Variants in ANKRD30BL observed in about 807,000 individuals in gnomAD.
ANKRD30BL encodes the protein putative ankyrin repeat domain-containing protein 30B-like.
In ANKRD30BL, 20 loss-of-function variants were observed where a neutral mutation model predicts 18.4. The ratio of observed to expected loss-of-function variants is 1.09; its 90% CI spans 0.77 to 1.58. ANKRD30BL has a LOEUF of 1.58. ANKRD30BL is among the 40% of genes most tolerant of loss of function. ANKRD30BL has a pLI of 0.00. For synonymous variants in ANKRD30BL, 72 were observed against 100.9 expected (o/e 0.71, Z 1.72); for missense variants, 224 against 268.6 (o/e 0.83, Z 1.16).
chr2:132,164,269 C>CTTTTT (rs796313755), upstream of ANKRD30BL, among the ~76,000 whole-genome samples: 366 of 112,062 alleles, frequency 3.3e-3, 16 homozygotes, highest in African/African-American at 0.011. Flanking sequence ...TTTTCTTTTT[C>CTTTTT]TTTTTTTTTT....
In ANKRD30BL at chr2:132,161,945, A is replaced by C. The variant is rs904370939; in HGVS notation, c.-240T>G. 170 of 505,520 alleles carry C rather than the reference A, an allele frequency of 3.4e-4. 1 individual carries two copies. The East Asian group carries it at 4.5e-3, about 13-fold the overall frequency. 31.3% of individuals were successfully genotyped at this position (505,520 alleles called of 1,614,324 possible). A position where few individuals can be genotyped will look rare whatever the true frequency, so the allele number is the denominator to read the frequency against. ...GCAGAACCTTTAGGCAGCTGAGCAG[A>C]ACCGTTAGGCAACAGCGCATGCGCA... On this transcript the variant is annotated 5_prime_UTR_variant, in exon 1 of 6. Coordinates refer to ENST00000409867, the MANE Select transcript of ANKRD30BL (RefSeq NM_001358416.1).
At chr2:132,238,322 G>T (rs1680216212) in intron 1 of ANKRD30BL, among the ~76,000 whole-genome samples, 1 of 151,696 alleles carries the variant, frequency 6.6e-6, no homozygotes. Flanking sequence ...TTGACAGAAG[G>T]ATTCTCAGAA....
chr2:132,160,858 A>T lies in ANKRD30BL; in HGVS notation c.218+630T>A, dbSNP rs111792464. On this transcript the variant is annotated intron_variant, in intron 1 of 5. Transcript: ENST00000409867. ...AGCGTGTGTAATTTTAAAAATGTTAAAACGTTGATAACTTTATTTGGTTTA... is the reference window on the plus strand; with the variant it reads ...AGCGTGTGTAATTTTAAAAATGTTATAACGTTGATAACTTTATTTGGTTTA... 1.4e-3 allele frequency among the ~76,000 whole-genome samples: 207 copies of T among 151,738 alleles called. 1 individual carries two copies. Among genetic ancestry groups the T allele is most frequent in the Non-Finnish European group, 2.5e-3 (170 of 67,996 alleles).
At chr2:132,194,075 T>TCACACA (rs950673271) in intron 1 of ANKRD30BL, among the ~76,000 whole-genome samples, 1 of 139,300 alleles carries the variant, frequency 7.2e-6, no homozygotes, top group Non-Finnish European at 1.6e-5. Flanking sequence ...ACACACACAC[T>TCACACA]CACACACACA....
intron 1 of ANKRD30BL, among the ~76,000 whole-genome samples, chr2:132,250,157 C>G (rs62164971): frequency 6.6e-6 from 1 of 151,066 alleles, no homozygotes; most frequent in South Asian, 2.1e-4. Context: ...TTATGTGAAG[C>G]TATTTCCTTT....
chr2:132,212,152 CA>C (rs897747152), intron 1 of ANKRD30BL, among the ~76,000 whole-genome samples: 8 of 149,130 alleles, frequency 5.4e-5, no homozygotes, highest in African/African-American at 2.1e-4. Context: ...CAGTGTTGAA[CA>C]TTTTTTTTTT....
At chr2:132,188,954 TAAG>T (rs1204230475) in intron 1 of ANKRD30BL, among the ~76,000 whole-genome samples, 1 of 151,972 alleles carries the variant, frequency 6.6e-6, no homozygotes, top group African/African-American at 2.4e-5. Context: ...GTTAAGGTGA[TAAG>T]AAAAAATGAA....
At chr2:132,250,429 C>T (rs1045793632) in intron 1 of ANKRD30BL, among the ~76,000 whole-genome samples, 3 of 152,136 alleles carry the variant, frequency 2.0e-5, no homozygotes, top group African/African-American at 7.2e-5. Flanking sequence ...GTTTTTAGGA[C>T]CAACATGAGC....
In ANKRD30BL at chr2:132,186,508, T is replaced by C. The variant is rs186057834; in HGVS notation, n.442-29362A>G. ...TCTGCCCATTTTGGTGAAGGAACTG[T>C]GTGTGGCACATAAGGAAAGCTTAAT... On this transcript the variant is annotated intron_variant and non_coding_transcript_variant, in intron 1 of 4. Transcript: ENST00000470729. Among the ~76,000 whole-genome samples, 968 of 152,362 alleles carry C rather than the reference T, an allele frequency of 6.4e-3. 3 individuals are homozygous for C. Among genetic ancestry groups the C allele is most frequent in the Middle Eastern group, 0.014 (4 of 294 alleles).
chr2:132,196,237 G>C (rs1330636639), intron 1 of ANKRD30BL, among the ~76,000 whole-genome samples: 2 of 152,278 alleles, frequency 1.3e-5, no homozygotes, highest in East Asian at 3.9e-4. Flanking sequence ...CTAACACTTT[G>C]GGAGGCCAAG....
At chr2:132,153,755 A>G (rs1687829489) in intron 4 of ANKRD30BL, 3 of 775,866 alleles carry the variant, frequency 3.9e-6, no homozygotes, top group Non-Finnish European at 6.0e-6. Flanking sequence ...TGTGCCTGTC[A>G]GTATAGAATT....
chr2:132,199,412 C>T (rs965763126), intron 1 of ANKRD30BL, among the ~76,000 whole-genome samples: 9 of 152,094 alleles, frequency 5.9e-5, no homozygotes, highest in Admixed American at 1.3e-4. Context: ...CTGCCAGGCA[C>T]TGTGCTAAAT....
At chr2:132,153,204 T>TA (rs1176874786) in intron 4 of ANKRD30BL, among the ~76,000 whole-genome samples, 1 of 152,170 alleles carries the variant, frequency 6.6e-6, no homozygotes, top group African/African-American at 2.4e-5. Flanking sequence ...TCCTTGGACT[T>TA]AGGTTCAGAT....
At chr2:132,156,428 G>C (rs1443286763) in intron 3 of ANKRD30BL, 2 of 152,066 alleles carry the variant, frequency 1.3e-5, no homozygotes, top group Non-Finnish European at 2.9e-5. Context: ...TGTACTATGA[G>C]AGAGGAATTG....
At chr2:132,214,239 T>C (rs530438326) in intron 1 of ANKRD30BL, among the ~76,000 whole-genome samples, 333 of 152,186 alleles carry the variant, frequency 2.2e-3, no homozygotes, top group African/African-American at 7.6e-3. Flanking sequence ...AACCTTCCTT[T>C]TAATTGAGCA....
intron 1 of ANKRD30BL, among the ~76,000 whole-genome samples, chr2:132,220,494 C>T (rs1679644847): frequency 6.6e-6 from 1 of 152,042 alleles, no homozygotes; most frequent in South Asian, 2.1e-4. Context: ...CTGCCGAGTG[C>T]CTGTGATTGC....
intron 1 of ANKRD30BL, among the ~76,000 whole-genome samples, chr2:132,171,237 G>A (rs1334326395): frequency 1.3e-5 from 2 of 151,868 alleles, no homozygotes; most frequent in African/African-American, 4.8e-5. Context: ...CACTAACAGA[G>A]GACATATTTG....
chr2:132,166,183 A>C (rs947642455), upstream of ANKRD30BL, among the ~76,000 whole-genome samples: 2 of 152,214 alleles, frequency 1.3e-5, no homozygotes, highest in Non-Finnish European at 2.9e-5. Context: ...ATACATAGTT[A>C]GATTCAATTG....
intron 4 of ANKRD30BL, chr2:132,153,734 C>T (rs748535592): frequency 3.3e-5 from 32 of 984,330 alleles, no homozygotes; most frequent in African/African-American, 5.0e-5. Flanking sequence ...TAGGAACGAA[C>T]GAATTTAATA....
Sources: allele counts gnomAD v4.1 joint callset (sites outside exome capture counted in the v4.1 genomes callset), GRCh38; gene constraint gnomAD v4.1.1; transcripts MANE v1.5; gene names NCBI Gene and HGNC (gene_info 2026-07-23, HGNC 2026-07-21).